DOCK3: variants seen among roughly 807,000 people sequenced by gnomAD.
DOCK3 encodes the protein dedicator of cytokinesis protein 3.
DOCK3 carries 60 observed loss-of-function variants against 265.6 expected under a neutral mutation model. The ratio of observed to expected loss-of-function variants is 0.23; its 90% CI spans 0.18 to 0.28. The LOEUF (loss-of-function observed/expected upper bound fraction) is 0.28. Ranked by LOEUF, DOCK3 falls within the 10% of genes least tolerant of loss-of-function variation. The pLI, the probability that DOCK3 is intolerant of heterozygous loss-of-function variation, is 1.00. For synonymous variants in DOCK3, 881 were observed against 938.0 expected, an observed-to-expected ratio of 0.94 and a Z score of 1.11; for missense variants, 1,981 against 2,594.3, an observed-to-expected ratio of 0.76 and a Z score of 5.14.
chr3:51,114,804 GC>G (rs1285030995), intron 9 of DOCK3, among the ~76,000 whole-genome samples: 3 of 139,768 alleles, frequency 2.1e-5, no homozygotes, highest in Non-Finnish European at 4.7e-5. Flanking sequence ...CCTTCCCCTT[GC>G]CCCCCAACCC....
chr3:51,028,575 T>G (rs1299753325), intron 5 of DOCK3, among the ~76,000 whole-genome samples: 2 of 152,182 alleles, frequency 1.3e-5, no homozygotes, highest in Non-Finnish European at 2.9e-5. Context: ...TGGGCTTGGT[T>G]GCTTTACATA....
At chr3:50,856,839 A>G (rs2046625705) in intron 3 of DOCK3, among the ~76,000 whole-genome samples, 1 of 152,018 alleles carries the variant, frequency 6.6e-6, no homozygotes, top group Non-Finnish European at 1.5e-5. Flanking sequence ...GGCTCTTATT[A>G]TTTTGAGGTG....
At chr3:50,966,191 T>C (rs558982894) in intron 5 of DOCK3, among the ~76,000 whole-genome samples, 1 of 152,302 alleles carries the variant, frequency 6.6e-6, no homozygotes, top group Non-Finnish European at 1.5e-5. Flanking sequence ...TTATTGTATA[T>C]ATTCCACATA....
intron 2 of DOCK3, 105 bp downstream of exon 2, chr3:50,778,863 A>G: frequency 1.4e-6 from 1 of 720,774 alleles, no homozygotes; most frequent in Non-Finnish European, 2.2e-6. Flanking sequence ...TGGAGCCATA[A>G]TTAGTCACAT....
rs1311593819 is a variant in DOCK3, at chr3:51,356,945, G to A, written c.4504-17G>A. On this transcript the variant is annotated splice_polypyrimidine_tract_variant and intron_variant, in intron 43 of 52. Coordinates refer to ENST00000266037, the MANE Select transcript of DOCK3 (RefSeq NM_004947.5). ...ATCATCATTTCTGGGATGACTCTGT[G>A]TGCTGTGTGCCCCTAGGTGGAGGTG... 1 of 1,605,430 alleles carries A rather than the reference G, an allele frequency of 6.2e-7. No individual in the cohort carries two copies. The highest frequency in any genetic ancestry group is 1.1e-5 in the South Asian group (1 of 89,600).
At chr3:51,014,561 A>C (rs1195540991) in intron 5 of DOCK3, among the ~76,000 whole-genome samples, 4 of 151,878 alleles carry the variant, frequency 2.6e-5, no homozygotes, top group East Asian at 1.9e-4. Context: ...AATCTCTTAA[A>C]TATAAAATTA....
chr3:51,195,480 T>A, intron 12 of DOCK3, among the ~76,000 whole-genome samples: 1 of 150,814 alleles, frequency 6.6e-6, no homozygotes, highest in East Asian at 2.0e-4. Flanking sequence ...AGTGGTGAGA[T>A]CTCGGCTCAC....
At chr3:51,007,456 C>T (rs2078727837) in intron 5 of DOCK3, among the ~76,000 whole-genome samples, 1 of 152,268 alleles carries the variant, frequency 6.6e-6, no homozygotes, top group South Asian at 2.1e-4. Flanking sequence ...CCTTCACCCA[C>T]TTTTTGATGC....
chr3:50,886,134 C>G (rs1290156740), intron 3 of DOCK3, among the ~76,000 whole-genome samples: 1 of 149,864 alleles, frequency 6.7e-6, no homozygotes, highest in African/African-American at 2.4e-5. Flanking sequence ...TCCCACATTC[C>G]CTAGTTGGTC....
chr3:50,675,323 C>A lies in DOCK3; in HGVS notation c.37+23C>A. The A allele has an allele frequency of 8.0e-7, 1 of 1,247,540 alleles. No individual in the cohort carries two copies. The highest frequency in any genetic ancestry group is 2.9e-5 in the South Asian group (1 of 33,938). 77.3% of individuals were successfully genotyped at this position (1,247,540 alleles called of 1,614,324 possible). ...TAGGTAGGTGAGGCTCAGGCCTGGC[C>A]GTGGCGGGGGTTCTGGGGGACGCGC... On this transcript the variant is annotated intron_variant, in intron 1 of 52. Coordinates refer to ENST00000266037, the MANE Select transcript of DOCK3 (RefSeq NM_004947.5). The surrounding 1 kb of genome is among the most constrained non-coding windows in gnomAD (Gnocchi z 6.1).
intron 21 of DOCK3, among the ~76,000 whole-genome samples, chr3:51,245,327 T>C (rs2078781793): frequency 6.6e-6 from 1 of 151,674 alleles, no homozygotes; most frequent in Non-Finnish European, 1.5e-5. Context: ...ATAGAGCAAG[T>C]GTCTGTCTCA....
At position 51,249,555 on chromosome 3, in the gene DOCK3, G is replaced by A. The variant is rs1414834637; in HGVS notation, c.2184+2748G>A. Among the ~76,000 whole-genome samples the A allele has an allele frequency of 3.7e-4, 40 of 108,728 alleles. 2 individuals carry two copies. The highest frequency in any genetic ancestry group is 1.1e-3 in the Admixed American group (13 of 12,322). The allele number at this position is 108,728 out of a possible 152,430, so 71.3% of individuals were successfully genotyped here. On this transcript the variant is annotated intron_variant, in intron 22 of 52. Transcript: ENST00000266037. ...CGCCCGGTCCGGGAGGGAGGTGGGC[G>A]GGTCAGCCCCCCGCCCGGCCAGCCG...
chr3:50,962,015 T>C (rs1575618599), intron 5 of DOCK3, among the ~76,000 whole-genome samples: 1 of 151,602 alleles, frequency 6.6e-6, no homozygotes, highest in Non-Finnish European at 1.5e-5. Context: ...TTTTTTAATA[T>C]ATATGCTTTA....
intron 25 of DOCK3, chr3:51,276,213 G>A (rs1279423612): frequency 4.1e-6 from 1 of 243,200 alleles, no homozygotes; most frequent in Non-Finnish European, 6.6e-6. Flanking sequence ...GGTGACAGGG[G>A]TCTAGCTTGG....
intron 9 of DOCK3, among the ~76,000 whole-genome samples, chr3:51,105,751 G>T (rs958257633): frequency 6.6e-6 from 1 of 152,140 alleles, no homozygotes; most frequent in African/African-American, 2.4e-5. Context: ...TGCACTCCTA[G>T]CACATCTTCA....
intron 5 of DOCK3, among the ~76,000 whole-genome samples, chr3:50,985,513 A>T (rs1454679622): frequency 2.0e-5 from 3 of 152,180 alleles, no homozygotes; most frequent in African/African-American, 7.2e-5. Flanking sequence ...TTGTAGAGAC[A>T]CTTTGTTCTG....
intron 49 of DOCK3, among the ~76,000 whole-genome samples, chr3:51,366,217 A>T (rs956328027): frequency 1.2e-4 from 19 of 152,192 alleles, no homozygotes; most frequent in African/African-American, 4.6e-4. Context: ...TAGTCTTGGG[A>T]GGGTGTATGT....
At chr3:50,958,171 A>G (rs1285598724) in intron 5 of DOCK3, among the ~76,000 whole-genome samples, 1 of 152,120 alleles carries the variant, frequency 6.6e-6, no homozygotes, top group African/African-American at 2.4e-5. Flanking sequence ...CCTCCAAACT[A>G]TTTCATGTCA....
chr3:50,869,148 G>A (rs2047302314), intron 3 of DOCK3, among the ~76,000 whole-genome samples: 1 of 149,950 alleles, frequency 6.7e-6, no homozygotes, highest in South Asian at 2.1e-4. Context: ...CTAATTTTTT[G>A]TGTTTTCAGT....
Sources: allele counts gnomAD v4.1 joint callset (sites outside exome capture counted in the v4.1 genomes callset), GRCh38; gene constraint gnomAD v4.1.1; non-coding constraint Gnocchi (gnomAD v3.1); transcripts MANE v1.5; gene names NCBI Gene and HGNC (gene_info 2026-07-23, HGNC 2026-07-21).